KCNAB1: variants seen among roughly 807,000 people sequenced by gnomAD.
The protein encoded by KCNAB1 is voltage-gated potassium channel subunit beta-1.
A neutral mutation model predicts 64.6 loss-of-function variants in KCNAB1; 35 were observed. The ratio of observed to expected loss-of-function variants is 0.54; its 90% CI spans 0.41 to 0.72. The LOEUF (loss-of-function observed/expected upper bound fraction) is 0.72. KCNAB1 is among the 30% of genes least tolerant of loss of function. The probability of loss-of-function intolerance (pLI) is 0.00; values close to 1 mark genes in which losing one functional copy is unlikely to be tolerated. For synonymous variants in KCNAB1, 177 were observed against 183.8 expected, an observed-to-expected ratio of 0.96 and a Z score of 0.30; for missense variants, 401 against 512.9, an observed-to-expected ratio of 0.78 and a Z score of 2.11.
chr3:156,275,997 A>T (rs1433618195), intron 1 of KCNAB1, among the ~76,000 whole-genome samples: 2 of 152,104 alleles, frequency 1.3e-5, no homozygotes, highest in African/African-American at 4.8e-5. Flanking sequence ...TATTTTGCCC[A>T]CATCCATCAT....
At chr3:156,211,236 G>C (rs1034831505) in intron 1 of KCNAB1, among the ~76,000 whole-genome samples, 1 of 151,978 alleles carries the variant, frequency 6.6e-6, no homozygotes, top group Non-Finnish European at 1.5e-5. Context: ...TATCAAAGGG[G>C]GAGAACAAAA....
intron 1 of KCNAB1, among the ~76,000 whole-genome samples, chr3:156,283,362 A>C (rs1719867037): frequency 6.6e-6 from 1 of 150,868 alleles, no homozygotes; most frequent in South Asian, 2.1e-4. Context: ...CTTCCCTTTG[A>C]GGGTAACCCG....
intron 5 of KCNAB1, 22 bp downstream of exon 5, chr3:156,459,893 T>TTTGTTTTTAAAAAGGTA (rs1712764543): frequency 6.3e-7 from 1 of 1,583,140 alleles, no homozygotes; most frequent in Non-Finnish European, 8.7e-7. Context: ...GCCATAATTA[T>TTTGTTTTTAAAAAGGTA]TTGTTTTTAA....
chr3:156,294,045 G>C (rs1001253577), intron 1 of KCNAB1, among the ~76,000 whole-genome samples: 2 of 152,210 alleles, frequency 1.3e-5, no homozygotes, highest in Admixed American at 6.5e-5. Context: ...ATTTCTTGAG[G>C]CAGAGTTTCA....
chr3:156,360,709 G>C (rs1332891820), intron 1 of KCNAB1, among the ~76,000 whole-genome samples: 1 of 148,810 alleles, frequency 6.7e-6, no homozygotes, highest in South Asian at 2.1e-4. Context: ...GCAAGACTCT[G>C]TTTCTCTCCC....
chr3:156,378,761 C>T (rs1041854299), intron 1 of KCNAB1, among the ~76,000 whole-genome samples: 16 of 152,158 alleles, frequency 1.1e-4, no homozygotes, highest in Non-Finnish European at 2.4e-4. Flanking sequence ...ATACTCCAAA[C>T]ATGTTTATTG....
At chr3:156,363,409 A>C (rs1725737262) in intron 1 of KCNAB1, among the ~76,000 whole-genome samples, 1 of 152,216 alleles carries the variant, frequency 6.6e-6, no homozygotes, top group African/African-American at 2.4e-5. Flanking sequence ...AATCCAATTA[A>C]ATCTGATCAA....
chr3:156,242,992 C>T (rs1399488333), intron 1 of KCNAB1, among the ~76,000 whole-genome samples: 1 of 152,124 alleles, frequency 6.6e-6, no homozygotes, highest in Non-Finnish European at 1.5e-5. Flanking sequence ...TCACTGCAAC[C>T]TCTGCCTCCT....
At chr3:156,476,966 T>G (rs756651296) in intron 8 of KCNAB1, among the ~76,000 whole-genome samples, 65 of 152,158 alleles carry the variant, frequency 4.3e-4, no homozygotes, top group Non-Finnish European at 7.6e-4. Context: ...TAGCAGAACA[T>G]CTGAGATTTT....
chr3:156,451,260 T>A (rs1179353611), intron 2 of KCNAB1, among the ~76,000 whole-genome samples: 1 of 152,264 alleles, frequency 6.6e-6, no homozygotes, highest in Non-Finnish European at 1.5e-5. Context: ...GGGCTGCCCA[T>A]CTGCAACCTC....
At chr3:156,315,395 T>G (rs542288457) in intron 1 of KCNAB1, among the ~76,000 whole-genome samples, 1 of 152,302 alleles carries the variant, frequency 6.6e-6, no homozygotes, top group African/African-American at 2.4e-5. Context: ...CTGAGGTTCT[T>G]TGGGAGCCCA....
At position 156,508,842 on chromosome 3, in the gene KCNAB1, G is replaced by A. The variant is rs539788349; in HGVS notation, c.659-5522G>A. On this transcript the variant is annotated intron_variant, in intron 8 of 13. Transcript: ENST00000490337. The surrounding 1 kb of genome is among the most constrained non-coding windows in gnomAD (Gnocchi z 4.1). ...CGAGAGCTGCCTGTGGCGGGTGAGCGCTGGGGAGGCATCATTAGGTTAAAG... is the reference window on the plus strand; with the variant it reads ...CGAGAGCTGCCTGTGGCGGGTGAGCACTGGGGAGGCATCATTAGGTTAAAG... 4.7e-4 allele frequency among the ~76,000 whole-genome samples: 72 copies of A among 152,296 alleles called. 1 individual carries two copies. Among genetic ancestry groups the A allele is most frequent in the African/African-American group, 1.6e-3 (67 of 41,548 alleles).
chr3:156,266,467 T>C (rs1718718505), intron 1 of KCNAB1, among the ~76,000 whole-genome samples: 1 of 152,212 alleles, frequency 6.6e-6, no homozygotes, highest in Admixed American at 6.5e-5. Context: ...AAAGCACCTC[T>C]CTGCACAGCT....
At chr3:156,145,589 A>T (rs1292948811) in intron 1 of KCNAB1, among the ~76,000 whole-genome samples, 1 of 152,170 alleles carries the variant, frequency 6.6e-6, no homozygotes, top group Non-Finnish European at 1.5e-5. Context: ...GAGGGTGGGC[A>T]GGGGACCATG....
intron 1 of KCNAB1, among the ~76,000 whole-genome samples, chr3:156,151,138 C>T (rs1310236627): frequency 6.6e-5 from 10 of 152,192 alleles, no homozygotes; most frequent in Admixed American, 2.0e-4. Flanking sequence ...CTGGACTGCA[C>T]GGGAGAAGGC....
At chr3:156,192,404 A>C (rs1297830755) in intron 1 of KCNAB1, among the ~76,000 whole-genome samples, 2 of 152,226 alleles carry the variant, frequency 1.3e-5, no homozygotes, top group Non-Finnish European at 2.9e-5. Context: ...CTTTTAAAAT[A>C]TAGCTTAGAA....
chr3:156,423,321 C>T (rs970194779), intron 2 of KCNAB1, among the ~76,000 whole-genome samples: 14 of 152,136 alleles, frequency 9.2e-5, no homozygotes, highest in Non-Finnish European at 2.1e-4. Context: ...GGAATGATTT[C>T]TTGAGGACGT....
intron 1 of KCNAB1, among the ~76,000 whole-genome samples, chr3:156,141,527 A>C (rs1577630052): frequency 6.6e-6 from 1 of 151,412 alleles, no homozygotes; most frequent in Non-Finnish European, 1.5e-5. Flanking sequence ...ACCTTTTGGT[A>C]TTAGCTTTTT....
chr3:156,252,873 CA>C (rs1357823252), intron 1 of KCNAB1, among the ~76,000 whole-genome samples: 1 of 152,214 alleles, frequency 6.6e-6, no homozygotes, highest in African/African-American at 2.4e-5. Context: ...GCTGTGTGAA[CA>C]AGAAAGCTCA....
Sources: allele counts gnomAD v4.1 joint callset (sites outside exome capture counted in the v4.1 genomes callset), GRCh38; gene constraint gnomAD v4.1.1; non-coding constraint Gnocchi (gnomAD v3.1); transcripts MANE v1.5; gene names NCBI Gene and HGNC (gene_info 2026-07-23, HGNC 2026-07-21).